Variants in DDX6 observed in about 807,000 individuals in gnomAD.
DDX6 encodes probable ATP-dependent RNA helicase DDX6.
In DDX6, 7 loss-of-function variants were observed where a neutral mutation model predicts 60.6. The observed-to-expected ratio is 0.12, with a 90% confidence interval of 0.07 to 0.22. The LOEUF (loss-of-function observed/expected upper bound fraction) is 0.22. Among genes scored for constraint, DDX6 ranks in the 10% least tolerant of loss-of-function variants. DDX6 has a pLI of 1.00. For synonymous variants in DDX6, 207 were observed against 201.0 expected (o/e 1.03, Z -0.25); for missense variants, 270 against 589.9 (o/e 0.46, Z 5.62).
chr11:118,780,114 C>CA (rs71044492), intron 3 of DDX6, among the ~76,000 whole-genome samples: 11,109 of 40,332 alleles, frequency 0.28, 3,155 homozygotes, highest in Admixed American at 0.3. Context: ...GACTCTATCT[C>CA]AAAAAAAAAA....
chr11:118,751,910 T>C lies in DDX6; in HGVS notation c.*195A>G. The C allele has an allele frequency of 2.3e-6, 1 of 435,734 alleles. No homozygotes were observed. The highest frequency in any genetic ancestry group is 4.6e-6 in the Non-Finnish European group (1 of 219,088). 27.0% of individuals were successfully genotyped at this position (435,734 alleles called of 1,614,324 possible). ...TCAGTCAGCACACAGTGCAAACAAG[T>C]GGAACAAAAAAGGTATATTCCTTCT... is the stretch of plus-strand genomic sequence containing the variant. On this transcript the variant is annotated 3_prime_UTR_variant, in exon 14 of 14. Coordinates refer to ENST00000534980, the MANE Select transcript of DDX6 (RefSeq NM_004397.6).
chr11:118,750,766 A>AAAATAAATAACATTTATTTT lies in DDX6; in HGVS notation c.*1338_*1339insAAAATAAATGTTATTTATTT, dbSNP rs1555157029. 1 of 152,190 alleles carries AAAATAAATAACATTTATTTT rather than the reference A, an allele frequency of 6.6e-6. No individual in the cohort carries two copies. Among genetic ancestry groups the AAAATAAATAACATTTATTTT allele is most frequent in the Non-Finnish European group, 1.5e-5 (1 of 68,040 alleles). 9.4% of individuals were successfully genotyped at this position (152,190 alleles called of 1,614,324 possible). ...TTAGAAAGGGGGAAGAAGCAAAATC[A>AAAATAAATAACATTTATTTT]GAGCTTCTCAAAATAAATGTTGAAT... On this transcript the variant is annotated 3_prime_UTR_variant, in exon 14 of 14. Coordinates refer to ENST00000534980, the MANE Select transcript of DDX6 (RefSeq NM_004397.6).
intron 10 of DDX6, among the ~76,000 whole-genome samples, chr11:118,756,621 C>A (rs564050023): frequency 6.6e-6 from 1 of 151,864 alleles, no homozygotes; most frequent in Non-Finnish European, 1.5e-5. Context: ...TAAAGGCAAA[C>A]AGTAAAGAAA....
At chr11:118,763,493 G>GT (rs11464765) in intron 6 of DDX6, among the ~76,000 whole-genome samples, 187 bp from the exon 7 acceptor site, 152,271 of 152,272 alleles carry the variant, frequency 1, 76,135 homozygotes, top group Non-Finnish European at 1. Flanking sequence ...CATACGTGCA[G>GT]CCGTCACTGA....
In DDX6 at chr11:118,773,853, A is replaced by G. The variant is rs1326196945; in HGVS notation, c.370-5501T>C. Among the ~76,000 whole-genome samples, 3 of 149,044 alleles carry G rather than the reference A, an allele frequency of 2.0e-5. No homozygotes were observed. In the Admixed American group the frequency reaches 2.0e-4, roughly 10 times the overall value. Reference sequence around the variant, plus strand: ...CCCCACCCAAAAAGAAAACAAAACAAAACACACACCAAAAAAAAAAACAAA... The same window carrying G: ...CCCCACCCAAAAAGAAAACAAAACAGAACACACACCAAAAAAAAAAACAAA... On this transcript the variant is annotated intron_variant, in intron 4 of 13. Transcript: ENST00000534980.
chr11:118,782,642 A>C (rs1591923398), intron 2 of DDX6, among the ~76,000 whole-genome samples: 2 of 62,958 alleles, frequency 3.2e-5, no homozygotes, highest in East Asian at 9.5e-4. Flanking sequence ...ACTGTACTAA[A>C]GCCTTTTTTT....
chr11:118,765,802 T>C (rs57528949), intron 5 of DDX6, among the ~76,000 whole-genome samples: 149,439 of 149,746 alleles, frequency 1, 74,566 homozygotes, highest in Middle Eastern at 1. Flanking sequence ...AAAAATAGCC[T>C]AGGCACGGTG....
chr11:118,761,543 G>T (rs1861165418), intron 7 of DDX6, among the ~76,000 whole-genome samples: 1 of 152,052 alleles, frequency 6.6e-6, no homozygotes, highest in Non-Finnish European at 1.5e-5. Flanking sequence ...CTTGAACTTG[G>T]GAGGTGGAGG....
rs1861306809 is a variant in DDX6, at chr11:118,765,108, TTC to T, written c.646+99_646+100del. 4 of 1,405,788 alleles carry T rather than the reference TTC, an allele frequency of 2.8e-6. No homozygotes were observed. The East Asian group carries it at 6.9e-5, about 24-fold the overall frequency. The allele number at this position is 1,405,788 out of a possible 1,614,324, so 87.1% of individuals were successfully genotyped here. A position where few individuals can be genotyped will look rare whatever the true frequency, so the allele number is the denominator to read the frequency against. On this transcript the variant is annotated intron_variant, in intron 6 of 13. Coordinates refer to ENST00000534980, the MANE Select transcript of DDX6 (RefSeq NM_004397.6). Reference sequence around the variant, plus strand: ...TCATTTCCTTTTCTTACTGCAGTATTTCTGTTCCTTAATTCTTAAAAACAATT... The same window carrying T: ...TCATTTCCTTTTCTTACTGCAGTATTTGTTCCTTAATTCTTAAAAACAATT...
chr11:118,768,337 T>C lies in DDX6; in HGVS notation c.385A>G (p.Ile129Val), dbSNP rs1861423822. 1.1e-5 allele frequency: 17 copies of C among 1,612,388 alleles called. No homozygotes were observed. Among genetic ancestry groups the C allele is most frequent in the Non-Finnish European group, 1.4e-5 (17 of 1,179,846 alleles). The change falls in exon 5 of 14, where the codon ATT (isoleucine) becomes GTT (valine). Residue 129 changes from isoleucine to valine, a missense_variant. By Grantham distance (29) the Ile-to-Val change is conservative. This residue lies in a region of DDX6 where 14 missense variants were observed against 67.4 expected (regional missense o/e 0.21). Transcript: ENST00000534980. Reference protein sequence around the residue: ...PSPIQEESIPIALSGRDILAR... With the variant: ...PSPIQEESIPVALSGRDILAR... ...AAGATATCCCTACCAGATAAAGCAA[T>C]GGGAATGCTCTCCTCCTAAAAGAGA...
At chr11:118,768,136 C>T (rs1363677896) in intron 5 of DDX6, 87 bp downstream of exon 5, 3 of 1,263,398 alleles carry the variant, frequency 2.4e-6, no homozygotes, top group African/African-American at 3.0e-5. Context: ...AATGTAAATT[C>T]TGACTAAAAA....
chr11:118,776,574 T>A (rs1861706122), intron 4 of DDX6, among the ~76,000 whole-genome samples: 1 of 152,060 alleles, frequency 6.6e-6, no homozygotes. Flanking sequence ...TTGGCTCACG[T>A]CTGTAATCCC....
At chr11:118,786,942 G>T (rs963988539) in intron 1 of DDX6, 1 of 152,124 alleles carries the variant, frequency 6.6e-6, no homozygotes, top group African/African-American at 2.4e-5. Flanking sequence ...TCTTCTACTT[G>T]TAATAGCAAC....
At chr11:118,769,593 T>C (rs1555162014) in intron 4 of DDX6, among the ~76,000 whole-genome samples, 1 of 152,122 alleles carries the variant, frequency 6.6e-6, no homozygotes, top group African/African-American at 2.4e-5. Context: ...CTGGGCAACA[T>C]GGCAAGCACC....
intron 4 of DDX6, among the ~76,000 whole-genome samples, chr11:118,774,464 C>CTTTTTTTTTT (rs11442846): frequency 5.2e-5 from 6 of 116,406 alleles, no homozygotes; most frequent in Non-Finnish European, 5.2e-5. Flanking sequence ...CTCTAACAGT[C>CTTTTTTTTTT]TTTTTTTTTT....
At chr11:118,785,898 T>C (rs1862058190) in intron 2 of DDX6, 154 bp downstream of exon 2, 2 of 620,304 alleles carry the variant, frequency 3.2e-6, no homozygotes, top group South Asian at 2.7e-5. Flanking sequence ...TATTATTCTA[T>C]TGCAAATACC....
chr11:118,771,869 CA>C (rs1161980221), intron 4 of DDX6, among the ~76,000 whole-genome samples: 1 of 152,204 alleles, frequency 6.6e-6, no homozygotes, highest in Non-Finnish European at 1.5e-5. Flanking sequence ...CGCTGGAAAC[CA>C]GCCTTGCAGT....
chr11:118,764,821 TAC>T (rs59605753), intron 6 of DDX6, among the ~76,000 whole-genome samples: 14 of 138,998 alleles, frequency 1.0e-4, no homozygotes, highest in Non-Finnish European at 1.7e-4. Context: ...AAAAAAAATA[TAC>T]ACACACACAC....
intron 4 of DDX6, among the ~76,000 whole-genome samples, chr11:118,774,339 G>C (rs1342946631): frequency 4.6e-5 from 7 of 152,038 alleles, no homozygotes; most frequent in Non-Finnish European, 8.8e-5. Context: ...TCCAGACCTA[G>C]AACTGGTCAC....
Sources: gnomAD v4.1 joint callset for allele counts (sites outside exome capture counted in the v4.1 genomes callset) on GRCh38, gnomAD v4.1.1 for gene constraint, gnomAD v4.1.1 regional missense constraint, MANE v1.5 for transcripts, NCBI Gene and HGNC (gene_info 2026-07-23, HGNC 2026-07-21) for gene names.